The following DDAH1 variants were observed in gnomAD, a reference collection of about 807,000 sequenced individuals.
DDAH1 encodes dimethylarginine dimethylaminohydrolase 1, also known as N(G),N(G)-dimethylarginine dimethylaminohydrolase 1.
Under a neutral mutation model 28.8 loss-of-function variants are expected in DDAH1, and 19 were observed. That is an observed-to-expected ratio of 0.66 (90% confidence interval 0.46 to 0.97). DDAH1 has a LOEUF of 0.97. Among genes scored for constraint, DDAH1 ranks in the 50% least tolerant of loss-of-function variants. The probability of loss-of-function intolerance (pLI) is 0.00; values close to 1 mark genes in which losing one functional copy is unlikely to be tolerated. For missense variants in DDAH1, 326 were observed against 375.9 expected (o/e 0.87, Z 1.10); for synonymous variants, 153 against 154.4 (o/e 0.99, Z 0.07).
intron 1 of DDAH1, among the ~76,000 whole-genome samples, chr1:85,431,458 G>T (rs1237095404): frequency 1.3e-5 from 2 of 151,966 alleles, no homozygotes; most frequent in Non-Finnish European, 2.9e-5. Flanking sequence ...AAGTTTCAGG[G>T]ACTGAAGGGG....
intron 3 of DDAH1, among the ~76,000 whole-genome samples, chr1:85,351,078 T>A (rs1281811441): frequency 6.7e-6 from 1 of 150,228 alleles, no homozygotes; most frequent in East Asian, 1.9e-4. Context: ...TTTTTTTTTT[T>A]AGAAACAGGG....
intron 1 of DDAH1, among the ~76,000 whole-genome samples, chr1:85,512,036 G>T (rs1295887439): frequency 6.6e-6 from 1 of 152,070 alleles, no homozygotes; most frequent in Non-Finnish European, 1.5e-5. Flanking sequence ...GCCTGGCAGA[G>T]ACACAACAAA....
At position 85,540,788 on chromosome 1, in the gene DDAH1, T is replaced by C. The variant is rs374575700; in HGVS notation, c.-123+37196A>G. On this transcript the variant is annotated intron_variant, in intron 1 of 6. Coordinates refer to the DDAH1 transcript ENST00000426972. ...GCCTGGCCAACATGGTGAAGCCCTG[T>C]CTCTACTAAAAAAATACAGAAATTA... Among the ~76,000 whole-genome samples the C allele has an allele frequency of 2.6e-5, 4 of 151,782 alleles. No homozygotes were observed. In the East Asian group the frequency reaches 7.7e-4, roughly 29 times the overall value.
At chr1:85,514,357 G>A (rs1657367792) in intron 1 of DDAH1, among the ~76,000 whole-genome samples, 1 of 152,052 alleles carries the variant, frequency 6.6e-6, no homozygotes, top group Admixed American at 6.5e-5. Flanking sequence ...ACACAGGGTG[G>A]GGAACATCAC....
upstream of DDAH1, among the ~76,000 whole-genome samples, chr1:85,469,797 TGTAATTATGAATG>T (rs894670967): frequency 2.0e-5 from 3 of 152,202 alleles, no homozygotes; most frequent in African/African-American, 7.2e-5. Context: ...GAAATGGGGA[TGTAATTATGAATG>T]GTAATTATGA....
intron 5 of DDAH1, among the ~76,000 whole-genome samples, chr1:85,324,241 G>A (rs1357432511): frequency 3.4e-5 from 5 of 147,388 alleles, no homozygotes; most frequent in Admixed American, 3.4e-4. Context: ...CAGCACTCCA[G>A]CCTGGGTAAC....
In DDAH1 at chr1:85,464,656, T is replaced by G. The variant is rs1292409024; in HGVS notation, c.303+87A>C. On this transcript the variant is annotated intron_variant, in intron 1 of 5. Coordinates refer to ENST00000284031, the MANE Select transcript of DDAH1 (RefSeq NM_012137.4). The surrounding 1 kb of genome is among the most constrained non-coding windows in gnomAD (Gnocchi z 4.4). ...TGTGAACTACTAGCCCGAGGGCCAA[T>G]GGCGCGACTCCCCAGGCAACACGGC... The G allele has an allele frequency of 6.8e-7, 1 of 1,465,148 alleles. No homozygotes were observed. The highest frequency in any genetic ancestry group is 9.0e-7 in the Non-Finnish European group (1 of 1,110,540). 90.8% of individuals were successfully genotyped at this position (1,465,148 alleles called of 1,614,324 possible).
chr1:85,422,938 A>G (rs1320629101), intron 1 of DDAH1, among the ~76,000 whole-genome samples: 1 of 152,176 alleles, frequency 6.6e-6, no homozygotes, highest in Non-Finnish European at 1.5e-5. Context: ...CTGCCACCCT[A>G]ATCTCAAGAT....
chr1:85,377,902 A>T (rs2100901681), intron 1 of DDAH1, among the ~76,000 whole-genome samples: 2 of 152,270 alleles, frequency 1.3e-5, no homozygotes, highest in Middle Eastern at 6.8e-3. Flanking sequence ...TTTGTATTTG[A>T]TCTCTAATTT....
At chr1:85,460,746 T>TA (rs1655089727) in intron 1 of DDAH1, among the ~76,000 whole-genome samples, 1 of 152,220 alleles carries the variant, frequency 6.6e-6, no homozygotes, top group South Asian at 2.1e-4. Context: ...TAGTTGCCTC[T>TA]AAGGAGGAGA....
At chr1:85,521,238 AT>A (rs1657674126) in intron 1 of DDAH1, among the ~76,000 whole-genome samples, 2 of 151,436 alleles carry the variant, frequency 1.3e-5, no homozygotes, top group South Asian at 4.2e-4. Context: ...ACAACCACTG[AT>A]TGGAAACTTG....
intron 1 of DDAH1, among the ~76,000 whole-genome samples, chr1:85,563,564 C>A (rs1046068090): frequency 6.6e-6 from 1 of 152,070 alleles, no homozygotes; most frequent in African/African-American, 2.4e-5. Flanking sequence ...TGTTCCAAAA[C>A]AAAATTCAAG....
intron 2 of DDAH1, among the ~76,000 whole-genome samples, chr1:85,353,640 G>A (rs1649345961): frequency 6.6e-6 from 1 of 151,970 alleles, no homozygotes; most frequent in Non-Finnish European, 1.5e-5. Context: ...TTATTAAATA[G>A]TCAGCTACAA....
chr1:85,442,681 C>T (rs1654255498), intron 1 of DDAH1, among the ~76,000 whole-genome samples: 1 of 152,198 alleles, frequency 6.6e-6, no homozygotes, highest in South Asian at 2.1e-4. Context: ...CACATCCTCT[C>T]CAGCACCTGT....
At chr1:85,412,110 AT>A (rs1186970304) in intron 1 of DDAH1, among the ~76,000 whole-genome samples, 1 of 152,200 alleles carries the variant, frequency 6.6e-6, no homozygotes, top group Non-Finnish European at 1.5e-5. Flanking sequence ...AGAAAAGAAT[AT>A]TTTTTTAAAA....
rs547394707 is a variant in DDAH1, at chr1:85,498,662, T to C, written c.-122-2381A>G. On this transcript the variant is annotated intron_variant, in intron 1 of 6. Transcript: ENST00000426972. ...AGCCCTGTGTGGTGGCTCATGCCTA[T>C]AATCCCAGCACTTTGAGAGGCTGAG... is the stretch of plus-strand genomic sequence containing the variant. 2.0e-5 allele frequency among the ~76,000 whole-genome samples: 3 copies of C among 152,298 alleles called. 1 individual carries two copies. The South Asian group carries it at 6.2e-4, about 32-fold the overall frequency.
At chr1:85,453,807 A>G (rs1252924198) in intron 1 of DDAH1, among the ~76,000 whole-genome samples, 3 of 152,234 alleles carry the variant, frequency 2.0e-5, no homozygotes, top group Admixed American at 6.5e-5. Context: ...CTAGTGTTGC[A>G]TAAGTGTGAA....
rs182618054 is a variant in DDAH1 at position 85,558,493 on chromosome 1, T to C, written c.-123+19491A>G. Among the ~76,000 whole-genome samples the C allele has an allele frequency of 4.5e-4, 68 of 152,346 alleles. 1 individual carries two copies. Among genetic ancestry groups the C allele is most frequent in the Admixed American group, 5.9e-4 (9 of 15,298 alleles). ...ATGCCTATCAGGACATTCTTTTTGATGGCCCAGACAACTCCATTATCACAA... is the reference window on the plus strand; with the variant it reads ...ATGCCTATCAGGACATTCTTTTTGACGGCCCAGACAACTCCATTATCACAA... On this transcript the variant is annotated intron_variant, in intron 1 of 6. Transcript: ENST00000426972.
At chr1:85,409,297 G>A (rs1652540449) in intron 1 of DDAH1, among the ~76,000 whole-genome samples, 1 of 152,120 alleles carries the variant, frequency 6.6e-6, no homozygotes, top group Non-Finnish European at 1.5e-5. Context: ...GAACCCCTAT[G>A]TGGTTTTCTT....
Sources: allele counts gnomAD v4.1 joint callset (sites outside exome capture counted in the v4.1 genomes callset), GRCh38; gene constraint gnomAD v4.1.1; non-coding constraint Gnocchi (gnomAD v3.1); transcripts MANE v1.5; gene names NCBI Gene and HGNC (gene_info 2026-07-23, HGNC 2026-07-21).